ROCK2: variants seen among roughly 807,000 people sequenced by gnomAD.
The protein encoded by ROCK2 is Rho associated coiled-coil containing protein kinase 2.
ROCK2 carries 61 observed loss-of-function variants against 195.1 expected under a neutral mutation model. That is an observed-to-expected ratio of 0.31 (90% CI 0.25 to 0.39). The LOEUF is 0.39. Among genes scored for constraint, ROCK2 ranks in the 10% least tolerant of loss-of-function variants. The probability of loss-of-function intolerance (pLI) is 1.00; values close to 1 mark genes in which losing one functional copy is unlikely to be tolerated. For missense variants in ROCK2, 1,109 were observed against 1,637.4 expected, an observed-to-expected ratio of 0.68 and a Z score of 5.57; for synonymous variants, 504 against 545.5, an observed-to-expected ratio of 0.92 and a Z score of 1.06.
At chr2:11,299,686 A>G (rs1667646097) in intron 1 of ROCK2, among the ~76,000 whole-genome samples, 1 of 152,218 alleles carries the variant, frequency 6.6e-6, no homozygotes, top group African/African-American at 2.4e-5. Flanking sequence ...CAAGAAGAAA[A>G]TAGTTGTTGA....
Position 11,183,257 on chromosome 2 carries a change from G to A in ROCK2, c.*180C>T. 2.0e-6 allele frequency: 1 copy of A among 510,616 alleles called. No homozygotes were observed. 31.6% of individuals were successfully genotyped at this position (510,616 alleles called of 1,614,324 possible). ...TGTTGGTTCAACCTGTTGCTTCAAA[G>A]GAGCCCAGATTTGTAATTTATATTA... On this transcript the variant is annotated 3_prime_UTR_variant, in exon 33 of 33. Transcript: ENST00000315872.
intron 3 of ROCK2, among the ~76,000 whole-genome samples, chr2:11,279,677 A>G (rs946453304): frequency 3.9e-5 from 6 of 152,214 alleles, no homozygotes; most frequent in African/African-American, 1.4e-4. Context: ...CCATCAATCA[A>G]CTGGATATAA....
intron 20 of ROCK2, among the ~76,000 whole-genome samples, chr2:11,204,929 T>C (rs1663996245): frequency 6.6e-6 from 1 of 152,192 alleles, no homozygotes; most frequent in African/African-American, 2.4e-5. Context: ...CTCTTTCAGA[T>C]TGCAGGCTTT....
At chr2:11,221,935 G>T in intron 8 of ROCK2, 148 bp downstream of exon 8, 1 of 531,132 alleles carries the variant, frequency 1.9e-6, no homozygotes, top group Non-Finnish European at 3.4e-6. Context: ...TATAAATATT[G>T]CCACAGAACA....
intron 5 of ROCK2, among the ~76,000 whole-genome samples, chr2:11,231,962 C>A (rs575343340): frequency 1.3e-5 from 2 of 152,168 alleles, no homozygotes; most frequent in South Asian, 4.2e-4. Context: ...AAGGGCCAGA[C>A]TCTAAATATT....
chr2:11,333,526 A>C (rs1419313207), intron 1 of ROCK2, among the ~76,000 whole-genome samples: 1 of 152,206 alleles, frequency 6.6e-6, no homozygotes, highest in Non-Finnish European at 1.5e-5. Context: ...TGCATGTATT[A>C]GGAAAAAAAA....
chr2:11,269,659 G>A (rs960430286), intron 3 of ROCK2, among the ~76,000 whole-genome samples: 6 of 152,020 alleles, frequency 3.9e-5, no homozygotes, highest in Admixed American at 6.6e-5. Flanking sequence ...ATATTCTGCC[G>A]GTGTGATTGT....
chr2:11,185,997 T>C (rs1470850194), intron 32 of ROCK2, among the ~76,000 whole-genome samples: 40 of 152,282 alleles, frequency 2.6e-4, no homozygotes, highest in Admixed American at 2.5e-3. Context: ...GCCCAAATAT[T>C]TGCATTTTCA....
chr2:11,334,644 A>G lies in ROCK2; in HGVS notation c.141+9352T>C, dbSNP rs541987638. 2.5e-4 allele frequency among the ~76,000 whole-genome samples: 35 copies of G among 139,904 alleles called. 1 individual carries two copies. In the South Asian group the frequency reaches 7.3e-3, roughly 29 times the overall value. The allele number at this position is 139,904 out of a possible 152,430, so 91.8% of individuals were successfully genotyped here. On this transcript the variant is annotated intron_variant, in intron 1 of 32. Transcript: ENST00000315872. ...AAAATAAACTCAAAAGCCAAGAAGC[A>G]TATATGAAGGCAATGCTTAGCATAT...
intron 1 of ROCK2, among the ~76,000 whole-genome samples, chr2:11,337,258 A>G (rs1336923152): frequency 1.3e-5 from 2 of 152,122 alleles, no homozygotes; most frequent in African/African-American, 4.8e-5. Context: ...AAAAAAAAAA[A>G]AGAGACAGAG....
chr2:11,295,478 CA>C (rs1207231055), intron 1 of ROCK2, among the ~76,000 whole-genome samples: 1 of 152,000 alleles, frequency 6.6e-6, no homozygotes, highest in Non-Finnish European at 1.5e-5. Flanking sequence ...AAAATACCCC[CA>C]AAAGGCCTGC....
In ROCK2 at chr2:11,192,955, C is replaced by G. The variant is rs958511134; in HGVS notation, c.3688-243G>C. Among the ~76,000 whole-genome samples, 5 of 152,146 alleles carry G rather than the reference C, an allele frequency of 3.3e-5. No individual in the cohort carries two copies. The highest frequency in any genetic ancestry group is 3.3e-4 in the Admixed American group (5 of 15,278). ...AACTGATCCTGTTCAAATGCTGCCT[C>G]CTTATTTTCTTTATAACACCCATGC... is the stretch of plus-strand genomic sequence containing the variant. On this transcript the variant is annotated intron_variant, in intron 30 of 32. Transcript: ENST00000315872. This position sits in a 1 kb window ranked among gnomAD's most constrained non-coding sequence, Gnocchi z 5.0.
intron 32 of ROCK2, among the ~76,000 whole-genome samples, chr2:11,184,933 T>A (rs541949273): frequency 6.6e-6 from 1 of 152,358 alleles, no homozygotes; most frequent in East Asian, 1.9e-4. Context: ...TAGGGAAGCC[T>A]TGCCCTTTAT....
intron 32 of ROCK2, chr2:11,184,861 T>C: frequency 1.5e-6 from 1 of 663,346 alleles, no homozygotes; most frequent in South Asian, 6.7e-5. Context: ...TGAATGTGCT[T>C]GTAAGCATTT....
rs1184616961 is a variant in ROCK2 at position 11,182,307 on chromosome 2, G to A, written c.*1130C>T. The A allele has an allele frequency of 6.6e-6, 1 of 152,060 alleles. No individual in the cohort carries two copies. Among genetic ancestry groups the A allele is most frequent in the African/African-American group, 2.4e-5 (1 of 41,390 alleles). The allele number at this position is 152,060 out of a possible 1,614,324, so 9.4% of individuals were successfully genotyped here. ...CTGTCTTAGTTTTCTTTATATTTGG[G>A]AAAAATTTTGAATCTTAAGTGTGAA... On this transcript the variant is annotated 3_prime_UTR_variant, in exon 33 of 33. Coordinates refer to ENST00000315872, the MANE Select transcript of ROCK2 (RefSeq NM_004850.5).
chr2:11,219,766 G>A (rs1053530659), intron 9 of ROCK2, among the ~76,000 whole-genome samples: 6 of 151,064 alleles, frequency 4.0e-5, no homozygotes, highest in African/African-American at 1.5e-4. Context: ...TTCAACTATT[G>A]AACAGCTTTC....
At chr2:11,339,431 T>A (rs1254605677) in intron 1 of ROCK2, among the ~76,000 whole-genome samples, 1 of 151,742 alleles carries the variant, frequency 6.6e-6, no homozygotes, top group Non-Finnish European at 1.5e-5. Context: ...ACATAGTATA[T>A]CTTAAAATCC....
chr2:11,302,137 T>C (rs1667726414), intron 1 of ROCK2, among the ~76,000 whole-genome samples: 1 of 152,058 alleles, frequency 6.6e-6, no homozygotes, highest in Non-Finnish European at 1.5e-5. Context: ...ATAACAAAAT[T>C]TCTCCATTAT....
chr2:11,248,224 TG>T (rs921070128), intron 4 of ROCK2, among the ~76,000 whole-genome samples: 5 of 85,956 alleles, frequency 5.8e-5, no homozygotes, highest in African/African-American at 2.2e-4. Context: ...TGGGGGGGGA[TG>T]GGGGGAGGGG....
Sources: gnomAD v4.1 joint callset for allele counts (sites outside exome capture counted in the v4.1 genomes callset) on GRCh38, gnomAD v4.1.1 for gene constraint, Gnocchi (gnomAD v3.1) non-coding constraint, MANE v1.5 for transcripts, NCBI Gene and HGNC (gene_info 2026-07-23, HGNC 2026-07-21) for gene names.